Variants in ZNF276 observed in about 807,000 individuals in gnomAD.
ZNF276 encodes centromere protein Z.
Under a neutral mutation model 63.9 loss-of-function variants are expected in ZNF276, and 59 were observed. The ratio of observed to expected loss-of-function variants is 0.92; its 90% CI spans 0.75 to 1.15. ZNF276 has a LOEUF of 1.15. ZNF276 is among the 50% of genes most tolerant of loss of function. The pLI, the probability that ZNF276 is intolerant of heterozygous loss-of-function variation, is 0.00. For synonymous variants in ZNF276, 496 were observed against 348.4 expected, an observed-to-expected ratio of 1.42 and a Z score of -4.72; for missense variants, 1,084 against 843.8, an observed-to-expected ratio of 1.28 and a Z score of -3.53.
Position 89,729,281 on chromosome 16 carries a change from T to C in ZNF276, c.1132T>C (p.Ser378Pro). 5.0e-6 allele frequency: 8 copies of C among 1,614,138 alleles called. No individual in the cohort carries two copies. The highest frequency in any genetic ancestry group is 6.8e-6 in the Non-Finnish European group (8 of 1,180,018). ...DENDKKQNAQ[S>P]SDESFEPYPE... ...AAATGACAAGAAGCAAAATGCCCAG[T>C]CTTCGGACGAGTCCTTTGAGCCTTA... Residue 378 changes from serine (S) to proline (P), a missense_variant, in exon 6 of 11, where the codon TCT becomes CCT. By Grantham distance (74) the Ser-to-Pro change is moderately conservative (BLOSUM62 -1). Coordinates refer to ENST00000443381, the MANE Select transcript of ZNF276 (RefSeq NM_001113525.2).
In ZNF276 at chr16:89,734,010, G is replaced by A; in HGVS notation, c.1446G>A (p.Leu482=). The part of the protein sequence containing the change: ...CNKVFMIDRY[L]QRHVKLIHTE... ...AGGTTTTCATGATCGACCGCTACCT[G>A]CAGCGCCACGTGAAGCTCATCCACA... Residue 482 remains leucine (L), a synonymous_variant, in exon 9 of 11, where the codon CTG becomes CTA. Coordinates refer to ENST00000443381, the MANE Select transcript of ZNF276 (RefSeq NM_001113525.2). The A allele has an allele frequency of 6.2e-7, 1 of 1,614,060 alleles. No homozygotes were observed. Among genetic ancestry groups the A allele is most frequent in the African/African-American group, 1.3e-5 (1 of 75,060 alleles).
Position 89,738,551 on chromosome 16 carries a change from TAATA to T in ZNF276, c.*309_*312del. ...CAACAAGAGCTCCATGTTATGCTTGTAATAAATTATTTACACGGGAGCTGGGCTG... is the reference window on the plus strand; with the variant it reads ...CAACAAGAGCTCCATGTTATGCTTGTAATTATTTACACGGGAGCTGGGCTG... On this transcript the variant is annotated 3_prime_UTR_variant, in exon 11 of 11. Transcript: ENST00000443381. 7.4e-6 allele frequency: 12 copies of T among 1,611,946 alleles called. No individual in the cohort carries two copies. The highest frequency in any genetic ancestry group is 1.0e-5 in the Non-Finnish European group (12 of 1,179,672).
intron 2 of ZNF276, 61 bp from the exon 3 acceptor site, chr16:89,723,076 C>G: frequency 1.2e-6 from 2 of 1,612,168 alleles, no homozygotes; most frequent in Admixed American, 1.7e-5. Flanking sequence ...GGGTCCCGTA[C>G]GACGAGCGCT....
At position 89,739,336 on chromosome 16, in the gene ZNF276, G is replaced by C; in HGVS notation, c.*1090G>C. ...CAAATGGCTACAGACTGCTGGAAAGGTAGCAGGTGATGCCAAGGGATACTG... is the reference window on the plus strand; with the variant it reads ...CAAATGGCTACAGACTGCTGGAAAGCTAGCAGGTGATGCCAAGGGATACTG... On this transcript the variant is annotated 3_prime_UTR_variant, in exon 11 of 11. Coordinates refer to ENST00000443381, the MANE Select transcript of ZNF276 (RefSeq NM_001113525.2). The C allele has an allele frequency of 6.2e-7, 1 of 1,611,772 alleles. No homozygotes were observed. The highest frequency in any genetic ancestry group is 8.5e-7 in the Non-Finnish European group (1 of 1,178,248).
At chr16:89,732,399 C>G (rs559309422) in intron 6 of ZNF276, 2 of 153,076 alleles carry the variant, frequency 1.3e-5, no homozygotes, top group Non-Finnish European at 2.9e-5. Context: ...GGGAGCATCA[C>G]CTGTTCCTCT....
intron 9 of ZNF276, among the ~76,000 whole-genome samples, chr16:89,736,072 C>T (rs1406573603): frequency 2.6e-5 from 4 of 151,552 alleles, no homozygotes; most frequent in Admixed American, 1.3e-4. Flanking sequence ...TTCGTATTTT[C>T]AGTACAGACG....
In ZNF276 at chr16:89,739,528, G is replaced by C; in HGVS notation, c.*1282G>C. The C allele has an allele frequency of 6.4e-7, 1 of 1,551,280 alleles. No individual in the cohort carries two copies. The highest frequency in any genetic ancestry group is 8.7e-7 in the Non-Finnish European group (1 of 1,146,954). On this transcript the variant is annotated 3_prime_UTR_variant, in exon 11 of 11. Coordinates refer to ENST00000443381, the MANE Select transcript of ZNF276 (RefSeq NM_001113525.2). ...TGGTGTGCTGATCCGGGGCCACACG[G>C]AGGAGGAGCCGCCCCAGCCTGAGGT... is the stretch of plus-strand genomic sequence containing the variant.
At chr16:89,724,971 A>T (rs2061427019) in intron 4 of ZNF276, among the ~76,000 whole-genome samples, 2 of 152,234 alleles carry the variant, frequency 1.3e-5, no homozygotes, top group African/African-American at 4.8e-5. Context: ...TTTGAGACAG[A>T]GTCTCGTTTT....
At chr16:89,721,192 C>A (rs915496543), upstream of ZNF276, 1 of 236,210 alleles carries the variant, frequency 4.2e-6, no homozygotes, top group African/African-American at 2.3e-5. Flanking sequence ...CCCCGGCCCC[C>A]CTCCCCTTTC....
chr16:89,738,035 AAC>A lies in ZNF276; in HGVS notation c.1638_1639del (p.His546GlnfsTer3). The A allele has an allele frequency of 6.2e-7, 1 of 1,614,144 alleles. No homozygotes were observed. The highest frequency in any genetic ancestry group is 2.2e-5 in the East Asian group (1 of 44,878). ...GCATCCCTCAAGTACCACATGACCA[AAC>A]ACAAGGCTGAGACTGAGCTGGACTT... On this transcript the variant is annotated frameshift_variant, in exon 11 of 11. Coordinates refer to ENST00000443381, the MANE Select transcript of ZNF276 (RefSeq NM_001113525.2). LOFTEE classifies it high-confidence loss of function.
chr16:89,722,273 G>C (rs1175571900), intron 1 of ZNF276, among the ~76,000 whole-genome samples: 6 of 152,254 alleles, frequency 3.9e-5, no homozygotes, highest in Admixed American at 6.5e-5. Context: ...GGAGGGTGCA[G>C]TTCCAGGTTT....
At position 89,739,132 on chromosome 16, in the gene ZNF276, C is replaced by CCTGA; in HGVS notation, c.*888_*891dup. ...GAGGTGGGACTGGCCCTTGCACCTG[C>CCTGA]CTGACCCTTGAGCTCCAGGCTCCTG... is the stretch of plus-strand genomic sequence containing the variant. On this transcript the variant is annotated 3_prime_UTR_variant, in exon 11 of 11. Transcript: ENST00000443381. 2 of 1,614,138 alleles carry CCTGA rather than the reference C, an allele frequency of 1.2e-6. No homozygotes were observed. The highest frequency in any genetic ancestry group is 1.7e-6 in the Non-Finnish European group (2 of 1,180,028).
At chr16:89,732,452 C>T (rs2061684590) in intron 6 of ZNF276, 1 of 153,168 alleles carries the variant, frequency 6.5e-6, no homozygotes, top group Non-Finnish European at 1.5e-5. Flanking sequence ...CAAGCTGACC[C>T]ATTTTGAGAG....
At chr16:89,733,813 G>A in intron 8 of ZNF276, 108 bp from the exon 9 acceptor site, 1 of 1,038,702 alleles carries the variant, frequency 9.6e-7, no homozygotes, top group Non-Finnish European at 1.5e-6. Context: ...TGTCGCTGGA[G>A]GAGGAGTTGG....
At chr16:89,724,189 A>G (rs1010071834) in intron 4 of ZNF276, among the ~76,000 whole-genome samples, 2 of 152,158 alleles carry the variant, frequency 1.3e-5, no homozygotes, top group African/African-American at 4.8e-5. Context: ...GGCTGAGGGG[A>G]AACACAAGGC....
rs923738971 is a variant in ZNF276, at chr16:89,729,490, G to A, written c.1169+172G>A. On this transcript the variant is annotated intron_variant, in intron 6 of 10. Coordinates refer to ENST00000443381, the MANE Select transcript of ZNF276 (RefSeq NM_001113525.2). ...TGAGCGGGAGGCGGGGGAGGGGCAGGCGGGCAGGTGAGAAGGTGGGTCCTC... is the reference window on the plus strand; with the variant it reads ...TGAGCGGGAGGCGGGGGAGGGGCAGACGGGCAGGTGAGAAGGTGGGTCCTC... Among the ~76,000 whole-genome samples the A allele has an allele frequency of 7.9e-5, 12 of 151,408 alleles. No individual in the cohort carries two copies. The East Asian group carries it at 2.3e-3, about 30-fold the overall frequency.
chr16:89,731,235 T>C (rs901617773), intron 6 of ZNF276, among the ~76,000 whole-genome samples: 2 of 152,220 alleles, frequency 1.3e-5, no homozygotes, highest in African/African-American at 2.4e-5. Flanking sequence ...CTGTGCGAAG[T>C]CAACAGTTCT....
At position 89,723,442 on chromosome 16, in the gene ZNF276, A is replaced by C. The variant is rs1289714372; in HGVS notation, c.739A>C (p.Ser247Arg). The C allele has an allele frequency of 1.2e-6, 2 of 1,613,064 alleles. No individual in the cohort carries two copies. Among genetic ancestry groups the C allele is most frequent in the Non-Finnish European group, 1.7e-6 (2 of 1,180,044 alleles). ...CGACTACACCATGGATACCAGCTCC[A>C]GCTGCAAGGCCTTCTTGCTGGACAG... ...GHDYTMDTSS[S>R]CKAFLLDSAL... is the part of the protein sequence containing the mutation. Residue 247 changes from serine (S) to arginine (R), a missense_variant, in exon 4 of 11, where the codon AGC becomes CGC. By Grantham distance (110) the Ser-to-Arg change is moderately radical. Transcript: ENST00000443381.
intron 4 of ZNF276, among the ~76,000 whole-genome samples, chr16:89,726,484 C>T (rs2061474740): frequency 6.6e-6 from 1 of 152,104 alleles, no homozygotes; most frequent in African/African-American, 2.4e-5. Flanking sequence ...GCATGAGTTA[C>T]CACGCCCAGC....
Sources: allele counts gnomAD v4.1 joint callset (sites outside exome capture counted in the v4.1 genomes callset), GRCh38; gene constraint gnomAD v4.1.1; transcripts MANE v1.5; gene names NCBI Gene and HGNC (gene_info 2026-07-23, HGNC 2026-07-21).